CIT: variants seen among roughly 807,000 people sequenced by gnomAD.
CIT encodes the protein citron rho-interacting serine/threonine kinase, also known as citron Rho-interacting kinase.
CIT carries 79 observed loss-of-function variants against 272.7 expected under a neutral mutation model. The ratio of observed to expected loss-of-function variants is 0.29; its 90% CI spans 0.24 to 0.35. CIT has a LOEUF of 0.35. CIT is among the 10% of genes least tolerant of loss of function. The pLI, the probability that CIT is intolerant of heterozygous loss-of-function variation, is 1.00. For missense variants in CIT, 1,909 were observed against 2,618.3 expected, an observed-to-expected ratio of 0.73 and a Z score of 5.91; for synonymous variants, 948 against 995.6, an observed-to-expected ratio of 0.95 and a Z score of 0.90.
chr12:119,841,643 C>A (rs1342804814), intron 5 of CIT, among the ~76,000 whole-genome samples: 1 of 152,164 alleles, frequency 6.6e-6, no homozygotes. Context: ...TACGTTCTGG[C>A]CGAGAAAATG....
At chr12:119,692,018 C>CA (rs966710177) in intron 46 of CIT, among the ~76,000 whole-genome samples, 1 of 152,120 alleles carries the variant, frequency 6.6e-6, no homozygotes, top group Non-Finnish European at 1.5e-5. Flanking sequence ...ATGCTGATTC[C>CA]AAAAATGAAC....
chr12:119,869,011 A>G (rs1950591060), intron 3 of CIT, 49 bp downstream of exon 3: 2 of 1,599,568 alleles, frequency 1.3e-6, no homozygotes, highest in Non-Finnish European at 1.7e-6. Context: ...GCATCTTTCT[A>G]GTTTTTCTCT....
chr12:119,756,531 A>G (rs189564221), intron 22 of CIT, among the ~76,000 whole-genome samples: 1 of 152,266 alleles, frequency 6.6e-6, no homozygotes, highest in East Asian at 1.9e-4. Flanking sequence ...CCCGCGGCCC[A>G]TCCAAGGTGC....
chr12:119,718,313 T>C lies in CIT; in HGVS notation c.4100A>G (p.His1367Arg), dbSNP rs776538675. The C allele has an allele frequency of 1.2e-6, 2 of 1,613,976 alleles. No homozygotes were observed. The highest frequency in any genetic ancestry group is 1.7e-6 in the Non-Finnish European group (2 of 1,179,956). The change falls in exon 32 of 48, where the codon CAC becomes CGC. Residue 1367 changes from histidine (H) to arginine (R), a missense_variant. By Grantham distance (29) the His-to-Arg change is conservative (BLOSUM62 0). This residue lies in a region of CIT where 780 missense variants were observed against 1,067.2 expected (regional missense o/e 0.73). Coordinates refer to ENST00000392521, the MANE Select transcript of CIT (RefSeq NM_001206999.2). The surrounding 1 kb of genome is among the most constrained non-coding windows in gnomAD (Gnocchi z 4.8). Reference protein sequence around the residue: ...AMSAIVRSPEHQPSAMSLLAP... With the variant: ...AMSAIVRSPERQPSAMSLLAP... The stretch of plus-strand genomic sequence containing the variant: ...CAGCAGGCTCATGGCACTGGGCTGG[T>C]GCTCTGGCGACCGCACGATGGCGGA...
Position 119,758,509 on chromosome 12 carries a change from T to C in CIT, c.2531+82A>G, listed in dbSNP as rs918836869. 1.6e-5 allele frequency: 14 copies of C among 873,542 alleles called. 1 individual carries two copies. In the South Asian group the frequency reaches 1.9e-4, roughly 12 times the overall value. The allele number at this position is 873,542 out of a possible 1,614,324, so 54.1% of individuals were successfully genotyped here. ...AGTCATTCAATCCACTCCAGCTCCA[T>C]CAAACAGAAGAAGGGAGTTTATGCC... On this transcript the variant is annotated intron_variant, in intron 21 of 47. Transcript: ENST00000392521.
intron 40 of CIT, among the ~76,000 whole-genome samples, chr12:119,706,976 GCAAA>G (rs1956908598): frequency 6.6e-6 from 1 of 152,112 alleles, no homozygotes; most frequent in Non-Finnish European, 1.5e-5. Context: ...GACTAAAGAA[GCAAA>G]CAAAGGTATT....
Position 119,822,825 on chromosome 12 carries a change from C to G in CIT, c.1106G>C (p.Arg369Pro). 6.2e-7 allele frequency: 1 copy of G among 1,614,010 alleles called. No individual in the cohort carries two copies. The highest frequency in any genetic ancestry group is 1.1e-5 in the South Asian group (1 of 91,040). Residue 369 changes from arginine to proline, a missense_variant, in exon 9 of 48, where the codon CGT (arginine) becomes CCT (proline). This residue lies in a region of CIT where 529 missense variants were observed against 549.6 expected (regional missense o/e 0.96). Coordinates refer to ENST00000392521, the MANE Select transcript of CIT (RefSeq NM_001206999.2). Reference protein sequence around the residue: ...FFSKIDWNNIRNSPPPFVPTL... With the variant: ...FFSKIDWNNIPNSPPPFVPTL... Reference sequence around the variant, plus strand: ...AGGAAAACAGCCCTACTTACAGTTACGAATGTTGTTCCAGTCAATTTTAGA... The same window carrying G: ...AGGAAAACAGCCCTACTTACAGTTAGGAATGTTGTTCCAGTCAATTTTAGA...
At chr12:119,756,089 A>G (rs920955270) in intron 22 of CIT, among the ~76,000 whole-genome samples, 5 of 152,224 alleles carry the variant, frequency 3.3e-5, no homozygotes, top group African/African-American at 1.2e-4. Flanking sequence ...TTACAGATGA[A>G]GAAACTGAAG....
chr12:119,711,551 G>A (rs1957160251), intron 37 of CIT, among the ~76,000 whole-genome samples: 1 of 152,234 alleles, frequency 6.6e-6, no homozygotes, highest in Non-Finnish European at 1.5e-5. Context: ...ACTCATTTGA[G>A]TAAACAGGAG....
In CIT at chr12:119,710,234, T is replaced by C; in HGVS notation, c.5071+17A>G. ...CCTTGAAAGTAAAGAAAAAACACCA[T>C]GTCCTTGGCCTCACACCTGCTATCA... On this transcript the variant is annotated intron_variant, in intron 39 of 47. Transcript: ENST00000392521. This position sits in a 1 kb window ranked among gnomAD's most constrained non-coding sequence, Gnocchi z 5.6. 1.9e-6 allele frequency: 3 copies of C among 1,606,318 alleles called. No homozygotes were observed. Among genetic ancestry groups the C allele is most frequent in the Non-Finnish European group, 8.5e-7 (1 of 1,178,012 alleles).
At chr12:119,711,210 G>A in intron 37 of CIT, 1 of 738,044 alleles carries the variant, frequency 1.4e-6, no homozygotes, top group Non-Finnish European at 2.1e-6. Flanking sequence ...TTGTGGTTAA[G>A]AATCTGCCAA....
At chr12:119,831,562 T>A (rs552740721) in intron 7 of CIT, among the ~76,000 whole-genome samples, 2 of 152,280 alleles carry the variant, frequency 1.3e-5, no homozygotes, top group Non-Finnish European at 2.9e-5. Context: ...TATCCACTTT[T>A]CTGGAAGCAG....
At chr12:119,873,500 G>A (rs1353411728) in intron 2 of CIT, among the ~76,000 whole-genome samples, 1 of 151,588 alleles carries the variant, frequency 6.6e-6, no homozygotes, top group Non-Finnish European at 1.5e-5. Flanking sequence ...GGCTGCTCTC[G>A]AACTCCTGAC....
intron 4 of CIT, 105 bp downstream of exon 4, chr12:119,857,418 G>A (rs1422626553): frequency 8.7e-7 from 1 of 1,153,074 alleles, no homozygotes; most frequent in East Asian, 2.4e-5. Flanking sequence ...TAGAGTCACA[G>A]AGGAAAACGT....
intron 7 of CIT, among the ~76,000 whole-genome samples, chr12:119,831,564 T>C (rs1968633170): frequency 6.6e-6 from 1 of 152,132 alleles, no homozygotes; most frequent in South Asian, 2.1e-4. Flanking sequence ...TCCACTTTTC[T>C]GGAAGCAGTT....
At position 119,690,264 on chromosome 12, in the gene CIT, C is replaced by T. The variant is rs1466007098; in HGVS notation, c.6073G>A (p.Gly2025Ser). 1.9e-6 allele frequency: 3 copies of T among 1,576,186 alleles called. No individual in the cohort carries two copies. Among genetic ancestry groups the T allele is most frequent in the Non-Finnish European group, 2.6e-6 (3 of 1,170,770 alleles). Reference sequence around the variant, plus strand: ...TCTCTCCGCGTGCTGAGCATCCGGCCGGGGGACTTCTCTCGCTCCAGGGGG... The same window carrying T: ...TCTCTCCGCGTGCTGAGCATCCGGCTGGGGGACTTCTCTCGCTCCAGGGGG... Reference protein sequence around the residue: ...GRPLEREKSPGRMLSTRRERS... With the variant: ...GRPLEREKSPSRMLSTRRERS... Residue 2025 changes from glycine to serine, a missense_variant, in exon 47 of 48, where the codon GGC becomes AGC. Coordinates refer to ENST00000392521, the MANE Select transcript of CIT (RefSeq NM_001206999.2). This position sits in a 1 kb window ranked among gnomAD's most constrained non-coding sequence, Gnocchi z 6.0.
At chr12:119,730,992 TG>T (rs1176401212) in intron 26 of CIT, among the ~76,000 whole-genome samples, 9 of 151,122 alleles carry the variant, frequency 6.0e-5, no homozygotes, top group African/African-American at 2.2e-4. Flanking sequence ...CTGGGTGTGG[TG>T]GCGTGCGCCC....
chr12:119,698,166 C>T (rs1956334356), intron 44 of CIT, 112 bp from the exon 45 acceptor site: 4 of 905,042 alleles, frequency 4.4e-6, no homozygotes, highest in Non-Finnish European at 5.4e-6. Flanking sequence ...TAAAGCAACT[C>T]ACCCAACAAA....
intron 3 of CIT, among the ~76,000 whole-genome samples, chr12:119,861,016 G>A (rs572715994): frequency 6.6e-6 from 1 of 151,974 alleles, no homozygotes; most frequent in East Asian, 1.9e-4. Context: ...AGCTACTCGG[G>A]AGGCTGAGGC....
Sources: allele counts gnomAD v4.1 joint callset (sites outside exome capture counted in the v4.1 genomes callset), GRCh38; gene constraint gnomAD v4.1.1; regional missense constraint gnomAD v4.1.1; non-coding constraint Gnocchi (gnomAD v3.1); transcripts MANE v1.5; gene names NCBI Gene and HGNC (gene_info 2026-07-23, HGNC 2026-07-21).